Variants in FRY observed in about 807,000 individuals in gnomAD.
FRY encodes the protein protein furry homolog.
Under a neutral mutation model 348.4 loss-of-function variants are expected in FRY, and 128 were observed. The observed-to-expected ratio is 0.37, with a 90% CI of 0.32 to 0.43. FRY has a LOEUF of 0.43. Ranked by LOEUF, FRY falls within the 20% of genes least tolerant of loss-of-function variation. FRY has a pLI of 1.00. For synonymous variants in FRY, 1,370 were observed against 1,374.7 expected, an observed-to-expected ratio of 1.00 and a Z score of 0.08; for missense variants, 2,736 against 3,695.2, an observed-to-expected ratio of 0.74 and a Z score of 6.73.
At position 32,178,580 on chromosome 13, in the gene FRY, A is replaced by T. The variant is rs181842037; in HGVS notation, c.2681+144A>T. 6.9e-5 allele frequency: 69 copies of T among 1,004,126 alleles called. 1 individual carries two copies. Among genetic ancestry groups the T allele is most frequent in the African/African-American group, 6.6e-4 (40 of 60,524 alleles). 62.2% of individuals were successfully genotyped at this position (1,004,126 alleles called of 1,614,324 possible). On this transcript the variant is annotated intron_variant, in intron 21 of 60. Transcript: ENST00000542859. ...ATTCTTAACATTGAGTAAAAACATT[A>T]AAAAAATTTTGTCTAAAGCTAGTGG...
chr13:32,191,197 G>A (rs1367811337), intron 28 of FRY, among the ~76,000 whole-genome samples: 2 of 152,074 alleles, frequency 1.3e-5, no homozygotes, highest in African/African-American at 4.8e-5. Flanking sequence ...AAATGTAACA[G>A]CTAAAATAAT....
At chr13:32,279,386 G>C (rs576398174) in intron 58 of FRY, among the ~76,000 whole-genome samples, 15 of 152,352 alleles carry the variant, frequency 9.8e-5, no homozygotes, top group Admixed American at 5.9e-4. Flanking sequence ...ACCAAGGAGA[G>C]CCCATGTGGC....
Position 32,239,139 on chromosome 13 carries a change from CA to C in FRY, c.6419-107del, listed in dbSNP as rs1453387971. 31 of 760,340 alleles carry C rather than the reference CA, an allele frequency of 4.1e-5. No homozygotes were observed. The highest frequency in any genetic ancestry group is 8.9e-5 in the Admixed American group (5 of 55,880). The allele number at this position is 760,340 out of a possible 1,614,324, so 47.1% of individuals were successfully genotyped here. A position where few individuals can be genotyped will look rare whatever the true frequency, so the allele number is the denominator to read the frequency against. On this transcript the variant is annotated intron_variant, in intron 44 of 60. Coordinates refer to ENST00000542859, the MANE Select transcript of FRY (RefSeq NM_023037.3). This position sits in a 1 kb window ranked among gnomAD's most constrained non-coding sequence, Gnocchi z 4.3. Reference sequence around the variant, plus strand: ...GTGTTAGATCATGTTTAAGCTGATTCAAAAAACTGCTTTTGCATCACCTCAG... The same window carrying C: ...GTGTTAGATCATGTTTAAGCTGATTCAAAAACTGCTTTTGCATCACCTCAG...
At chr13:32,081,983 T>A (rs534530669) in intron 2 of FRY, among the ~76,000 whole-genome samples, 1 of 152,336 alleles carries the variant, frequency 6.6e-6, no homozygotes, top group African/African-American at 2.4e-5. Flanking sequence ...AAAATTGTAT[T>A]CTATTATTCT....
chr13:32,059,173 CT>C (rs972857991), intron 1 of FRY, among the ~76,000 whole-genome samples: 40 of 149,290 alleles, frequency 2.7e-4, no homozygotes, highest in East Asian at 7.8e-4. Flanking sequence ...GAAGAGGATA[CT>C]TTTTTTTTTC....
At chr13:32,106,418 G>A (rs1186864152) in intron 3 of FRY, among the ~76,000 whole-genome samples, 1 of 152,018 alleles carries the variant, frequency 6.6e-6, no homozygotes, top group Non-Finnish European at 1.5e-5. Context: ...GCAGGTAAAG[G>A]ATCTAAAATC....
At chr13:32,262,553 T>C (rs1288919176) in intron 53 of FRY, 78 bp downstream of exon 53, 14 of 1,046,132 alleles carry the variant, frequency 1.3e-5, no homozygotes, top group Middle Eastern at 2.0e-4. Flanking sequence ...TTCTGAGAAT[T>C]CTTAAGGGGT....
intron 1 of FRY, among the ~76,000 whole-genome samples, chr13:32,070,572 T>TC (rs1490761504): frequency 7.0e-6 from 1 of 143,016 alleles, no homozygotes; most frequent in Non-Finnish European, 1.5e-5. Flanking sequence ...TTTTTTTTTT[T>TC]CTTGTAAGTT....
intron 51 of FRY, among the ~76,000 whole-genome samples, chr13:32,257,030 G>A (rs1158650594): frequency 6.6e-6 from 1 of 152,180 alleles, no homozygotes; most frequent in Non-Finnish European, 1.5e-5. Context: ...TAAGGTGTAT[G>A]TGAAACATAA....
intron 1 of FRY, among the ~76,000 whole-genome samples, chr13:32,053,588 G>A (rs1873457379): frequency 6.6e-6 from 1 of 152,194 alleles, no homozygotes; most frequent in East Asian, 1.9e-4. Context: ...CTATGAACAT[G>A]GACTTACAGG....
chr13:32,176,123 C>T (rs574368750), intron 20 of FRY, among the ~76,000 whole-genome samples: 28 of 152,162 alleles, frequency 1.8e-4, no homozygotes, highest in Non-Finnish European at 3.4e-4. Flanking sequence ...TCTGGGCTCT[C>T]GAACTCTCCT....
In FRY at chr13:32,072,979, A is replaced by G. The variant is rs542439572; in HGVS notation, c.71-5855A>G. Among the ~76,000 whole-genome samples, 8 of 152,364 alleles carry G rather than the reference A, an allele frequency of 5.3e-5. No individual in the cohort carries two copies. In the South Asian group the frequency reaches 1.0e-3, roughly 20 times the overall value. On this transcript the variant is annotated intron_variant, in intron 1 of 60. Coordinates refer to ENST00000542859, the MANE Select transcript of FRY (RefSeq NM_023037.3). ...AGATCACCTTTCTATGATGAGTTCT[A>G]CTTTGAATATTTGGTTACCACATAT... is the stretch of plus-strand genomic sequence containing the variant.
chr13:32,274,252 G>T (rs1292272448), intron 55 of FRY, among the ~76,000 whole-genome samples: 1 of 152,054 alleles, frequency 6.6e-6, no homozygotes, highest in African/African-American at 2.4e-5. Context: ...AATCGTGTAT[G>T]ATATTCTTGA....
chr13:32,175,445 TATCTCACA>T, intron 19 of FRY, 93 bp from the exon 20 acceptor site: 1 of 793,790 alleles, frequency 1.3e-6, no homozygotes, highest in Non-Finnish European at 2.3e-6. Flanking sequence ...CCCTTATCAC[TATCTCACA>T]AGCTGTTCTG....
At chr13:32,102,461 G>C (rs899293908) in intron 3 of FRY, among the ~76,000 whole-genome samples, 2 of 152,122 alleles carry the variant, frequency 1.3e-5, no homozygotes, top group Non-Finnish European at 2.9e-5. Flanking sequence ...GCTAGGTACT[G>C]GTGATACAAA....
At chr13:32,137,336 A>C (rs1351512576) in intron 11 of FRY, among the ~76,000 whole-genome samples, 3 of 152,208 alleles carry the variant, frequency 2.0e-5, no homozygotes, top group African/African-American at 4.8e-5. Context: ...TCAGAAGCTC[A>C]CTTATACCTT....
At chr13:32,162,373 C>T (rs1016024402) in intron 17 of FRY, among the ~76,000 whole-genome samples, 4 of 152,068 alleles carry the variant, frequency 2.6e-5, no homozygotes, top group African/African-American at 4.8e-5. Context: ...ATAAATAACC[C>T]AAACTTCCAC....
Position 32,283,140 on chromosome 13 carries a change from CA to C in FRY, c.8469+4604del, listed in dbSNP as rs573374923. 5.5e-3 allele frequency among the ~76,000 whole-genome samples: 703 copies of C among 128,860 alleles called. 6 individuals are homozygous for C. The highest frequency in any genetic ancestry group is 0.016 in the African/African-American group (584 of 35,910). The allele number at this position is 128,860 out of a possible 152,430, so 84.5% of individuals were successfully genotyped here. A position where few individuals can be genotyped will look rare whatever the true frequency, so the allele number is the denominator to read the frequency against. ...TGGGTGACAGAGCAAGACTCCATCT[CA>C]AAAAAAAAAAACAAAACAACAACAA... On this transcript the variant is annotated intron_variant, in intron 58 of 60. Coordinates refer to ENST00000542859, the MANE Select transcript of FRY (RefSeq NM_023037.3).
At chr13:32,100,765 C>G (rs1445984039) in intron 2 of FRY, among the ~76,000 whole-genome samples, 1 of 152,138 alleles carries the variant, frequency 6.6e-6, no homozygotes, top group East Asian at 1.9e-4. Flanking sequence ...CCCAGAAGTC[C>G]AAGATCAAAG....
Sources: allele counts gnomAD v4.1 joint callset (sites outside exome capture counted in the v4.1 genomes callset), GRCh38; gene constraint gnomAD v4.1.1; non-coding constraint Gnocchi (gnomAD v3.1); transcripts MANE v1.5; gene names NCBI Gene and HGNC (gene_info 2026-07-23, HGNC 2026-07-21).